The following CYP1B1 variants were observed in gnomAD, a reference collection of about 807,000 sequenced individuals.
CYP1B1 encodes cytochrome P450 1B1.
Under a neutral mutation model 29.9 loss-of-function variants are expected in CYP1B1, and 22 were observed. That is an observed-to-expected ratio of 0.74 (90% CI 0.53 to 1.05). The LOEUF (loss-of-function observed/expected upper bound fraction) is 1.05, where lower values mean the gene tolerates loss of function less well. CYP1B1 is among the 50% of genes least tolerant of loss of function. The pLI, the probability that CYP1B1 is intolerant of heterozygous loss-of-function variation, is 0.00. For missense variants in CYP1B1, 883 were observed against 746.9 expected, an observed-to-expected ratio of 1.18 and a Z score of -2.12; for synonymous variants, 375 against 320.0, an observed-to-expected ratio of 1.17 and a Z score of -1.83.
At chr2:38,071,350 C>T in intron 2 of CYP1B1, 40 bp from the exon 3 acceptor site, 3 of 1,571,384 alleles carry the variant, frequency 1.9e-6, no homozygotes, top group South Asian at 1.1e-5. Flanking sequence ...AGCAAGTGAG[C>T]AAAATTCTTA....
In CYP1B1 at chr2:38,068,375, C is replaced by G. The variant is rs967704337; in HGVS notation, c.*2347G>C. Reference sequence around the variant, plus strand: ...TATAAACACAGCTTTCCTTTTGCCGCAAGCATCTGATGACGACTGGGCCTA... The same window carrying G: ...TATAAACACAGCTTTCCTTTTGCCGGAAGCATCTGATGACGACTGGGCCTA... On this transcript the variant is annotated 3_prime_UTR_variant, in exon 3 of 3. Transcript: ENST00000610745. 3 of 227,860 alleles carry G rather than the reference C, an allele frequency of 1.3e-5. No homozygotes were observed. Among genetic ancestry groups the G allele is most frequent in the Admixed American group, 5.7e-5 (1 of 17,562 alleles). 14.1% of individuals were successfully genotyped at this position (227,860 alleles called of 1,614,324 possible).
At position 38,067,995 on chromosome 2, in the gene CYP1B1, G is replaced by C. The variant is rs1682344782; in HGVS notation, c.*2727C>G. Reference sequence around the variant, plus strand: ...ACTTCACAGGTAAAGGCTAAGTTCTGGGACATGAAAGCTTTTAGAAAATTC... The same window carrying C: ...ACTTCACAGGTAAAGGCTAAGTTCTCGGACATGAAAGCTTTTAGAAAATTC... On this transcript the variant is annotated 3_prime_UTR_variant, in exon 3 of 3. Transcript: ENST00000610745. 1 of 198,684 alleles carries C rather than the reference G, an allele frequency of 5.0e-6. No homozygotes were observed. The highest frequency in any genetic ancestry group is 1.0e-5 in the Non-Finnish European group (1 of 95,832). The allele number at this position is 198,684 out of a possible 1,614,324, so 12.3% of individuals were successfully genotyped here.
chr2:38,071,654 G>T (rs147905130), intron 2 of CYP1B1, among the ~76,000 whole-genome samples: 103 of 152,202 alleles, frequency 6.8e-4, no homozygotes, highest in African/African-American at 2.4e-3. Flanking sequence ...AGTGCCTAGG[G>T]CTCACAACAC....
Position 38,071,309 on chromosome 2 carries a change from A to G in CYP1B1, c.1045T>C (p.Tyr349His), listed in dbSNP as rs200182794. ...TGCACTCGAGTCTGCACATCAGGAT[A>G]CCTGTTTGGTGTTTAATGTGGAGAG... ...LQWLLLLFTR[Y>H]PDVQTRVQAE... The change falls in exon 3 of 3, where the codon TAT becomes CAT. Residue 349 changes from tyrosine (Y) to histidine (H), a missense_variant and splice_region_variant. Physicochemically the swap from Tyr to His is moderately conservative, Grantham distance 83 (BLOSUM62 2). Transcript: ENST00000610745. 2 of 1,612,856 alleles carry G rather than the reference A, an allele frequency of 1.2e-6. No individual in the cohort carries two copies. Among genetic ancestry groups the G allele is most frequent in the African/African-American group, 2.7e-5 (2 of 75,046 alleles).
At chr2:38,072,073 A>G (rs2125315157) in intron 2 of CYP1B1, among the ~76,000 whole-genome samples, 1 of 152,386 alleles carries the variant, frequency 6.6e-6, no homozygotes, top group African/African-American at 2.4e-5. Context: ...ACAAACTGAT[A>G]CAATCTTTTT....
In CYP1B1 at chr2:38,071,265, G is replaced by A. The variant is rs148461905; in HGVS notation, c.1089C>T (p.Val363=). The change falls in exon 3 of 3, where the codon GTC becomes GTT. Residue 363 remains valine, a synonymous_variant. Coordinates refer to ENST00000610745, the MANE Select transcript of CYP1B1 (RefSeq NM_000104.4). ...QTRVQAELDQ[V]VGRDRLPCMG... ...TACAAGGCAGACGGTCCCTCCCCACGACCTGATCCAATTCTGCCTGCACTC... is the reference window on the plus strand; with the variant it reads ...TACAAGGCAGACGGTCCCTCCCCACAACCTGATCCAATTCTGCCTGCACTC... 9.9e-5 allele frequency: 160 copies of A among 1,613,040 alleles called. 2 individuals are homozygous for A. Among genetic ancestry groups the A allele is most frequent in the African/African-American group, 1.2e-4 (9 of 75,032 alleles).
At chr2:38,075,721 C>T in intron 1 of CYP1B1, 59 bp downstream of exon 1, 1 of 437,736 alleles carries the variant, frequency 2.3e-6, no homozygotes, top group South Asian at 2.4e-5. Flanking sequence ...ACGCCACCCG[C>T]TACCTGTAAT....
intron 2 of CYP1B1, among the ~76,000 whole-genome samples, chr2:38,072,755 A>T (rs993352874): frequency 3.3e-5 from 5 of 152,016 alleles, no homozygotes; most frequent in African/African-American, 1.2e-4. Flanking sequence ...TTGTTGCACT[A>T]CTCTGCTCTG....
In CYP1B1 at chr2:38,068,130, A is replaced by G. The variant is rs1682347749; in HGVS notation, c.*2592T>C. ...TTAATAAACATTATACTTTATTGCAATAACCTGGAGTAAAACTTCTGACTT... is the reference window on the plus strand; with the variant it reads ...TTAATAAACATTATACTTTATTGCAGTAACCTGGAGTAAAACTTCTGACTT... On this transcript the variant is annotated 3_prime_UTR_variant, in exon 3 of 3. Transcript: ENST00000610745. 9.6e-6 allele frequency: 2 copies of G among 208,232 alleles called. No homozygotes were observed. The highest frequency in any genetic ancestry group is 3.8e-4 in the South Asian group (2 of 5,328). The allele number at this position is 208,232 out of a possible 1,614,324, so 12.9% of individuals were successfully genotyped here.
In CYP1B1 at chr2:38,068,851, G is replaced by A. The variant is rs9341266; in HGVS notation, c.*1871C>T. On this transcript the variant is annotated 3_prime_UTR_variant, in exon 3 of 3. Coordinates refer to ENST00000610745, the MANE Select transcript of CYP1B1 (RefSeq NM_000104.4). ...TGCTCCAAATTAATTAATTCAGAAT[G>A]AGTGGGAAAATGTTTAACCATCTTT... 0.041 allele frequency: 9,409 copies of A among 227,194 alleles called. 269 individuals carry two copies. The highest frequency in any genetic ancestry group is 0.093 in the South Asian group (511 of 5,472). The allele number at this position is 227,194 out of a possible 1,614,324, so 14.1% of individuals were successfully genotyped here.
chr2:38,073,153 T>G (rs548850190), intron 2 of CYP1B1, among the ~76,000 whole-genome samples: 14 of 152,236 alleles, frequency 9.2e-5, no homozygotes, highest in African/African-American at 1.2e-4. Flanking sequence ...GGTGTTTCTA[T>G]GATTTTAATA....
At position 38,070,392 on chromosome 2, in the gene CYP1B1, G is replaced by A; in HGVS notation, c.*330C>T. On this transcript the variant is annotated 3_prime_UTR_variant, in exon 3 of 3. Coordinates refer to ENST00000610745, the MANE Select transcript of CYP1B1 (RefSeq NM_000104.4). ...ATACTGCTTCATTCAGTAGTTTGGT[G>A]TAAGTGTTTGGGTGTATGTGTCTAT... The A allele has an allele frequency of 5.5e-6, 2 of 361,688 alleles. No homozygotes were observed. Among genetic ancestry groups the A allele is most frequent in the South Asian group, 4.3e-5 (1 of 22,990 alleles). 22.4% of individuals were successfully genotyped at this position (361,688 alleles called of 1,614,324 possible).
Position 38,067,641 on chromosome 2 carries a change from T to C in CYP1B1, c.*3081A>G, listed in dbSNP as rs1056876. On this transcript the variant is annotated 3_prime_UTR_variant, in exon 3 of 3. Transcript: ENST00000610745. Reference sequence around the variant, plus strand: ...GTGATTTTTATTATTTTGGTAATGGTGTCCCAGTATAAGTAATGAGATACA... The same window carrying C: ...GTGATTTTTATTATTTTGGTAATGGCGTCCCAGTATAAGTAATGAGATACA... 5.6e-6 allele frequency: 1 copy of C among 177,306 alleles called. No homozygotes were observed. The highest frequency in any genetic ancestry group is 2.4e-5 in the African/African-American group (1 of 42,292). The allele number at this position is 177,306 out of a possible 1,614,324, so 11.0% of individuals were successfully genotyped here. A position where few individuals can be genotyped will look rare whatever the true frequency, so the allele number is the denominator to read the frequency against.
In CYP1B1 at chr2:38,074,911, G is replaced by C; in HGVS notation, c.478C>G (p.Pro160Ala). Residue 160 changes from proline (P) to alanine (A), a missense_variant, in exon 2 of 3, where the codon CCG becomes GCG. Transcript: ENST00000610745. ...SMMRNFFTRQ[P>A]RSRQVLEGHV... ...CCCTCGAGGACTTGGCGGCTGCGCG[G>C]CTGGCGCGTGAAGAAGTTGCGCATC... 1 of 1,555,614 alleles carries C rather than the reference G, an allele frequency of 6.4e-7. No homozygotes were observed. Among genetic ancestry groups the C allele is most frequent in the African/African-American group, 1.4e-5 (1 of 73,848 alleles).
In CYP1B1 at chr2:38,070,880, C is replaced by A; in HGVS notation, c.1474G>T (p.Asp492Tyr). ...GGCTCATTTGGGTTGGCCCTGAAATCGCACTGGTGAGCCAGGATGGAGATG... is the reference window on the plus strand; with the variant it reads ...GGCTCATTTGGGTTGGCCCTGAAATAGCACTGGTGAGCCAGGATGGAGATG... ...LFISILAHQC[D>Y]FRANPNEPAK... The change falls in exon 3 of 3, where the codon GAT (aspartate) becomes TAT (tyrosine). Residue 492 changes from aspartate (D) to tyrosine (Y), a missense_variant. Asp to Tyr is a radical substitution (Grantham distance 160, BLOSUM62 -3). Coordinates refer to ENST00000610745, the MANE Select transcript of CYP1B1 (RefSeq NM_000104.4). 6.2e-7 allele frequency: 1 copy of A among 1,614,106 alleles called. No individual in the cohort carries two copies.
rs780245744 is a variant in CYP1B1 at position 38,068,186 on chromosome 2, C to T, written c.*2536G>A. The T allele has an allele frequency of 5.6e-5, 12 of 214,118 alleles. No individual in the cohort carries two copies. Among genetic ancestry groups the T allele is most frequent in the South Asian group, 1.9e-4 (1 of 5,348 alleles). The allele number at this position is 214,118 out of a possible 1,614,324, so 13.3% of individuals were successfully genotyped here. On this transcript the variant is annotated 3_prime_UTR_variant, in exon 3 of 3. Transcript: ENST00000610745. Reference sequence around the variant, plus strand: ...GTTGTCAGCAAATACATTCTCTCTCCGGTAGAAACACAATGAGGGTTTCTG... The same window carrying T: ...GTTGTCAGCAAATACATTCTCTCTCTGGTAGAAACACAATGAGGGTTTCTG...
chr2:38,075,024 G>A lies in CYP1B1; in HGVS notation c.365C>T (p.Ser122Phe), dbSNP rs1184871440. 6.3e-7 allele frequency: 1 copy of A among 1,592,120 alleles called. No homozygotes were observed. Among genetic ancestry groups the A allele is most frequent in the Non-Finnish European group, 8.5e-7 (1 of 1,177,132 alleles). Reference protein sequence around the residue: ...SAFADRPAFASFRVVSGGRSM... With the variant: ...SAFADRPAFAFFRVVSGGRSM... Reference sequence around the variant, plus strand: ...GCGGCCGCCGGACACCACACGGAAGGAGGCGAAGGCCGGCCGGTCGGCGAA... The same window carrying A: ...GCGGCCGCCGGACACCACACGGAAGAAGGCGAAGGCCGGCCGGTCGGCGAA... The change falls in exon 2 of 3, where the codon TCC becomes TTC. Residue 122 changes from serine (S) to phenylalanine (F), a missense_variant. By Grantham distance (155) the Ser-to-Phe change is radical. Coordinates refer to ENST00000610745, the MANE Select transcript of CYP1B1 (RefSeq NM_000104.4).
Position 38,075,315 on chromosome 2 carries a change from A to C in CYP1B1, c.74T>G (p.Leu25Arg). ...CACAGTGGCCAGCACCGACAGGAGT[A>C]GCAGGAGCGTGGTCTGCTGGATGGA... is the stretch of plus-strand genomic sequence containing the variant. Reference protein sequence around the residue: ...PLSIQQTTLLLLLSVLATVHV... With the variant: ...PLSIQQTTLLRLLSVLATVHV... The change falls in exon 2 of 3, where the codon CTA becomes CGA. Residue 25 changes from leucine (L) to arginine (R), a missense_variant. Leu to Arg is a moderately radical substitution (Grantham distance 102). Transcript: ENST00000610745. 1 of 1,612,550 alleles carries C rather than the reference A, an allele frequency of 6.2e-7. No individual in the cohort carries two copies.
Position 38,071,244 on chromosome 2 carries a change from AG to A in CYP1B1, c.1109del (p.Pro370LeufsTer58), listed in dbSNP as rs1221648356. On this transcript the variant is annotated frameshift_variant, in exon 3 of 3. Coordinates refer to ENST00000610745, the MANE Select transcript of CYP1B1 (RefSeq NM_000104.4). LOFTEE classifies it high-confidence loss of function. ...GCAGGTTGGGCTGGTCACCCATACA[AG>A]GCAGACGGTCCCTCCCCACGACCTG... The part of the protein sequence containing the change: ...LDQVVGRDRL[P>X]CMGDQPNLPY... The A allele has an allele frequency of 1.2e-6, 2 of 1,613,142 alleles. No individual in the cohort carries two copies. The highest frequency in any genetic ancestry group is 2.2e-5 in the South Asian group (2 of 91,088).
Sources: allele counts gnomAD v4.1 joint callset (sites outside exome capture counted in the v4.1 genomes callset), GRCh38; gene constraint gnomAD v4.1.1; transcripts MANE v1.5; gene names NCBI Gene and HGNC (gene_info 2026-07-23, HGNC 2026-07-21).